The following SP140L variants were observed in gnomAD, a reference collection of about 807,000 sequenced individuals.
SP140L encodes nuclear body protein SP140-like protein.
A neutral mutation model predicts 84.3 loss-of-function variants in SP140L; 64 were observed. That is an observed-to-expected ratio of 0.76 (90% CI 0.62 to 0.94). The LOEUF is 0.94. Among genes scored for constraint, SP140L ranks in the 40% least tolerant of loss-of-function variants. The pLI is 0.00. For synonymous variants in SP140L, 242 were observed against 236.9 expected (o/e 1.02, Z -0.20); for missense variants, 628 against 692.5 (o/e 0.91, Z 1.05).
At chr2:230,354,848 G>A (rs779513978) in intron 2 of SP140L, among the ~76,000 whole-genome samples, 194 of 108,886 alleles carry the variant, frequency 1.8e-3, no homozygotes, top group Non-Finnish European at 2.8e-3. Flanking sequence ...AAGAAAGAAA[G>A]GAAAGAAAGA....
chr2:230,383,585 C>G lies in SP140L; in HGVS notation c.703+10C>G. ...AACAACCAACAAAATGGTAAGCAGG[C>G]AAAGTGAAGTAGTTACAGCTTTTGA... On this transcript the variant is annotated intron_variant, in intron 8 of 18. Transcript: ENST00000415673. The G allele has an allele frequency of 6.3e-7, 1 of 1,596,732 alleles. No homozygotes were observed. The highest frequency in any genetic ancestry group is 8.5e-7 in the Non-Finnish European group (1 of 1,171,408).
At chr2:230,400,791 T>G (rs1184871853) in intron 15 of SP140L, 164 bp from the exon 16 acceptor site, 34 of 1,509,022 alleles carry the variant, frequency 2.3e-5, no homozygotes, top group Non-Finnish European at 3.1e-5. Context: ...GAAAGGCCAG[T>G]GGCTGGAGAC....
chr2:230,372,081 GT>G (rs2149768327), intron 7 of SP140L: 1 of 175,216 alleles, frequency 5.7e-6, no homozygotes, highest in East Asian at 1.6e-4. Flanking sequence ...CAAGGAAATA[GT>G]TTGTCCTTTC....
At chr2:230,374,315 CA>C (rs35573735) in intron 7 of SP140L, among the ~76,000 whole-genome samples, 372 of 121,038 alleles carry the variant, frequency 3.1e-3, no homozygotes, top group Admixed American at 3.6e-3. Context: ...GACTCCATCT[CA>C]AAAAAAAAAA....
intron 2 of SP140L, among the ~76,000 whole-genome samples, chr2:230,334,730 T>A (rs1473142848): frequency 1.3e-5 from 2 of 152,004 alleles, no homozygotes; most frequent in African/African-American, 4.8e-5. Context: ...TATATATATA[T>A]AAATGGTTTC....
intron 10 of SP140L, among the ~76,000 whole-genome samples, chr2:230,389,475 T>A (rs2061715017): frequency 6.6e-6 from 1 of 152,070 alleles, no homozygotes; most frequent in African/African-American, 2.4e-5. Flanking sequence ...CATTAGGTTA[T>A]CTCATCATTA....
At chr2:230,332,849 GT>G (rs1038873008) in intron 2 of SP140L, among the ~76,000 whole-genome samples, 13 of 152,080 alleles carry the variant, frequency 8.5e-5, no homozygotes, top group African/African-American at 2.7e-4. Flanking sequence ...ATTAGTTCTG[GT>G]TAGTTTCAGC....
chr2:230,359,271 T>G, intron 4 of SP140L, 139 bp downstream of exon 4: 1 of 721,754 alleles, frequency 1.4e-6, no homozygotes, highest in Non-Finnish European at 2.3e-6. Flanking sequence ...GTGTCATGAG[T>G]CTTCTTGAAG....
intron 7 of SP140L, among the ~76,000 whole-genome samples, chr2:230,373,232 C>T (rs951926267): frequency 1.3e-5 from 2 of 152,204 alleles, no homozygotes; most frequent in Non-Finnish European, 2.9e-5. Flanking sequence ...TAGCTTAGGT[C>T]ACTGATAGAG....
chr2:230,378,610 T>A (rs12104570), intron 7 of SP140L, among the ~76,000 whole-genome samples: 99 of 152,072 alleles, frequency 6.5e-4, no homozygotes, highest in African/African-American at 2.3e-3. Flanking sequence ...GAGGTATTCT[T>A]TTAGTTGATC....
In SP140L at chr2:230,359,015, A is replaced by G; in HGVS notation, c.322A>G (p.Asn108Asp). The change falls in exon 4 of 19, where the codon AAT becomes GAT. Residue 108 changes from asparagine to aspartate, a missense_variant. By Grantham distance (23) the Asn-to-Asp change is conservative. This residue lies in a region of SP140L where 525 missense variants were observed against 518.4 expected (regional missense o/e 1.01). Coordinates refer to ENST00000415673, the MANE Select transcript of SP140L (RefSeq NM_138402.6). Reference sequence around the variant, plus strand: ...GGTCCCTGTACAAAGAGTGGTGTACAATGTTCTCAGTGAACTGGAGAAGAC... The same window carrying G: ...GGTCCCTGTACAAAGAGTGGTGTACGATGTTCTCAGTGAACTGGAGAAGAC... ...NLVPVQRVVY[N>D]VLSELEKTFN... The G allele has an allele frequency of 6.2e-7, 1 of 1,613,452 alleles. No homozygotes were observed. The highest frequency in any genetic ancestry group is 8.5e-7 in the Non-Finnish European group (1 of 1,179,738).
chr2:230,340,490 C>T lies in SP140L; in HGVS notation c.107+11659C>T, dbSNP rs1471178312. Among the ~76,000 whole-genome samples, 3 of 146,924 alleles carry T rather than the reference C, an allele frequency of 2.0e-5. No individual in the cohort carries two copies. In the East Asian group the frequency reaches 6.0e-4, roughly 29 times the overall value. On this transcript the variant is annotated intron_variant, in intron 2 of 18. Coordinates refer to ENST00000415673, the MANE Select transcript of SP140L (RefSeq NM_138402.6). ...TTACTTGGAGCATTTAGTCCATTTA[C>T]ATTTAAAGTTAATATTGTTATGTGT...
At chr2:230,330,985 G>A (rs1173498727) in intron 2 of SP140L, among the ~76,000 whole-genome samples, 2 of 152,086 alleles carry the variant, frequency 1.3e-5, no homozygotes, top group East Asian at 1.9e-4. Flanking sequence ...TAATCAGATC[G>A]GCTGTCATGG....
At chr2:230,365,556 A>C (rs1222967208) in intron 5 of SP140L, among the ~76,000 whole-genome samples, 1 of 150,464 alleles carries the variant, frequency 6.6e-6, no homozygotes, top group African/African-American at 2.4e-5. Flanking sequence ...AATGTTTGTC[A>C]ATTTTGTTTA....
chr2:230,348,317 A>G (rs2060269896), intron 2 of SP140L, among the ~76,000 whole-genome samples: 1 of 152,266 alleles, frequency 6.6e-6, no homozygotes, highest in Non-Finnish European at 1.5e-5. Flanking sequence ...CACAAAATCT[A>G]TCGTACACTG....
At chr2:230,383,952 T>C (rs72996255) in intron 8 of SP140L, among the ~76,000 whole-genome samples, 21 of 152,210 alleles carry the variant, frequency 1.4e-4, no homozygotes, top group Non-Finnish European at 2.6e-4. Context: ...TATAACCATA[T>C]TTTATGTGAA....
chr2:230,349,246 A>G (rs1575456221), intron 2 of SP140L, among the ~76,000 whole-genome samples: 1 of 152,250 alleles, frequency 6.6e-6, no homozygotes, highest in Admixed American at 6.5e-5. Context: ...TACCAGTACA[A>G]TAACTGTCTT....
intron 2 of SP140L, among the ~76,000 whole-genome samples, chr2:230,346,237 A>C (rs1438946218): frequency 6.6e-6 from 1 of 152,164 alleles, no homozygotes; most frequent in African/African-American, 2.4e-5. Flanking sequence ...GGAGGTTTCC[A>C]CTGAAAACTT....
intron 5 of SP140L, among the ~76,000 whole-genome samples, chr2:230,369,870 T>C (rs1161251830): frequency 3.9e-5 from 6 of 152,182 alleles, no homozygotes; most frequent in Non-Finnish European, 7.3e-5. Context: ...GCCTCCTGGG[T>C]TCAAGTGATT....
Sources: allele counts gnomAD v4.1 joint callset (sites outside exome capture counted in the v4.1 genomes callset), GRCh38; gene constraint gnomAD v4.1.1; regional missense constraint gnomAD v4.1.1; transcripts MANE v1.5; gene names NCBI Gene and HGNC (gene_info 2026-07-23, HGNC 2026-07-21).